Variants in MORC2 observed in about 807,000 individuals in gnomAD.
MORC2 encodes ATPase MORC2.
Under a neutral mutation model 136.0 loss-of-function variants are expected in MORC2, and 30 were observed. That is an observed-to-expected ratio of 0.22 (90% CI 0.17 to 0.30). MORC2 has a LOEUF of 0.30. MORC2 is among the 10% of genes least tolerant of loss of function. The pLI is 1.00. For synonymous variants in MORC2, 439 were observed against 487.0 expected, an observed-to-expected ratio of 0.90 and a Z score of 1.30; for missense variants, 922 against 1,333.1, an observed-to-expected ratio of 0.69 and a Z score of 4.80.
chr22:30,931,224 A>G (rs2040571607), intron 24 of MORC2, among the ~76,000 whole-genome samples: 1 of 152,224 alleles, frequency 6.6e-6, no homozygotes, highest in African/African-American at 2.4e-5. Context: ...AGCAGATTAC[A>G]GCCCCTGGGC....
At chr22:30,965,821 G>A (rs899773404) in intron 1 of MORC2, among the ~76,000 whole-genome samples, 2 of 152,202 alleles carry the variant, frequency 1.3e-5, no homozygotes, top group Non-Finnish European at 2.9e-5. Flanking sequence ...TAAAATTGAA[G>A]ACTTTTAAAC....
chr22:30,930,657 C>G (rs2040561751), intron 24 of MORC2, among the ~76,000 whole-genome samples: 1 of 152,242 alleles, frequency 6.6e-6, no homozygotes, highest in Non-Finnish European at 1.5e-5. Context: ...TTATCAAGCA[C>G]ACAACTGCCC....
chr22:30,926,833 G>A lies in MORC2; in HGVS notation c.3069C>T (p.Tyr1023=). The A allele has an allele frequency of 6.2e-7, 1 of 1,613,808 alleles. No homozygotes were observed. The change falls in exon 26 of 26, where the codon TAC becomes TAT. Residue 1023 remains tyrosine (Y), a synonymous_variant. Transcript: ENST00000397641. The part of the protein sequence containing the change: ...DINTDDELDA[Y]IEDLITKGD ...CCCCCTTGGTGATGAGGTCCTCAAT[G>A]TAGGCGTCCAGCTCATCATCTGTGT...
intron 1 of MORC2, chr22:30,967,504 C>T (rs1026795127): frequency 7.3e-6 from 8 of 1,101,862 alleles, no homozygotes; most frequent in Middle Eastern, 4.2e-4. Flanking sequence ...CAACATTTGG[C>T]GATCCAATAG....
rs1272162807 is a variant in MORC2 at position 30,926,067 on chromosome 22, G to C, written c.*736C>G. 6.6e-6 allele frequency: 1 copy of C among 152,236 alleles called. No individual in the cohort carries two copies. Among genetic ancestry groups the C allele is most frequent in the African/African-American group, 2.4e-5 (1 of 41,422 alleles). The allele number at this position is 152,236 out of a possible 1,614,324, so 9.4% of individuals were successfully genotyped here. On this transcript the variant is annotated 3_prime_UTR_variant, in exon 26 of 26. Coordinates refer to ENST00000397641, the MANE Select transcript of MORC2 (RefSeq NM_001303256.3). ...TGTGGGGTTCCACACTCAGTGTGCT[G>C]CCCAAGTCAGAGATTTACCACAGAT...
chr22:30,947,777 C>T (rs1402615207), intron 5 of MORC2, among the ~76,000 whole-genome samples: 2 of 152,100 alleles, frequency 1.3e-5, no homozygotes, highest in African/African-American at 4.8e-5. Flanking sequence ...CATGCCCTTG[C>T]CCTAATTTGG....
At position 30,942,244 on chromosome 22, in the gene MORC2, C is replaced by G; in HGVS notation, c.454G>C (p.Ala152Pro). The change falls in exon 7 of 26, where the codon GCT becomes CCT. Residue 152 changes from alanine to proline, a missense_variant. Around this residue, in one of 9 missense-constraint regions of MORC2, gnomAD observed 261 missense variants for 354.3 expected, o/e 0.74. Coordinates refer to ENST00000397641, the MANE Select transcript of MORC2 (RefSeq NM_001303256.3). ...EVIVPLPTWN[A>P]RTREPVTDNV... ...TCTGTGACAGGTTCCCGGGTCCGAG[C>G]ATTCCAGGTGGGCAGTGGGACTATC... 1.1e-5 allele frequency: 18 copies of G among 1,612,944 alleles called. No homozygotes were observed. The highest frequency in any genetic ancestry group is 1.4e-5 in the Non-Finnish European group (17 of 1,179,976).
At chr22:30,942,413 G>A in intron 6 of MORC2, 142 bp from the exon 7 acceptor site, 1 of 899,232 alleles carries the variant, frequency 1.1e-6, no homozygotes, top group Non-Finnish European at 1.7e-6. Context: ...TGGCACCAGA[G>A]GCTCTGTGAG....
chr22:30,967,226 G>T, intron 1 of MORC2: 2 of 986,290 alleles, frequency 2.0e-6, no homozygotes, highest in Non-Finnish European at 2.4e-6. Flanking sequence ...CATGAACACT[G>T]TATGTTTCTG....
In MORC2 at chr22:30,934,816, C is replaced by G. The variant is rs1411986814; in HGVS notation, c.2158G>C (p.Val720Leu). 6.2e-7 allele frequency: 1 copy of G among 1,614,172 alleles called. No homozygotes were observed. The highest frequency in any genetic ancestry group is 8.5e-7 in the Non-Finnish European group (1 of 1,180,044). The stretch of plus-strand genomic sequence containing the variant: ...TTGATGGGTGACTCTGTCTTCTTCA[C>G]CACTGGAGTCTTGATGACTTTGGGA... The part of the protein sequence containing the change: ...PSPKVIKTPV[V>L]KKTESPIKLS... The change falls in exon 19 of 26, where the codon GTG (valine) becomes CTG (leucine). Residue 720 changes from valine to leucine, a missense_variant. Physicochemically the swap from Val to Leu is conservative, Grantham distance 32. Around this residue, in one of 9 missense-constraint regions of MORC2, gnomAD observed 184 missense variants for 180.3 expected, o/e 1.02. Coordinates refer to ENST00000397641, the MANE Select transcript of MORC2 (RefSeq NM_001303256.3). This position sits in a 1 kb window ranked among gnomAD's most constrained non-coding sequence, Gnocchi z 4.4.
chr22:30,950,353 C>CCCCAAAAAAAAAAA, intron 4 of MORC2, 24 bp downstream of exon 4: 1 of 1,481,944 alleles, frequency 6.7e-7, no homozygotes, highest in Non-Finnish European at 9.4e-7. Flanking sequence ...CCCCACCCCC[C>CCCCAAAAAAAAAAA]AAAACAATAA....
At chr22:30,953,943 T>A (rs1399281641) in intron 3 of MORC2, among the ~76,000 whole-genome samples, 1 of 152,182 alleles carries the variant, frequency 6.6e-6, no homozygotes, top group Non-Finnish European at 1.5e-5. Flanking sequence ...CAGTTATCAA[T>A]CAGTTTCAGA....
chr22:30,931,047 GAC>G, intron 24 of MORC2, among the ~76,000 whole-genome samples: 1 of 152,198 alleles, frequency 6.6e-6, no homozygotes, highest in Non-Finnish European at 1.5e-5. Flanking sequence ...GACGACCTCT[GAC>G]ACAGCCCTTT....
chr22:30,950,352 C>CA, intron 4 of MORC2, 25 bp downstream of exon 4: 3 of 1,449,942 alleles, frequency 2.1e-6, no homozygotes, highest in South Asian at 1.2e-5. Context: ...CCCCCACCCC[C>CA]CAAAACAATA....
chr22:30,950,730 C>A lies in MORC2; in HGVS notation c.158-285G>T, dbSNP rs563214810. On this transcript the variant is annotated intron_variant, in intron 3 of 25. Coordinates refer to ENST00000397641, the MANE Select transcript of MORC2 (RefSeq NM_001303256.3). The stretch of plus-strand genomic sequence containing the variant: ...CCCACTACCACTGAATATGCACATA[C>A]CTCACACATATCTCAATCATCCTAT... Among the ~76,000 whole-genome samples the A allele has an allele frequency of 5.3e-5, 8 of 152,332 alleles. No individual in the cohort carries two copies. The East Asian group carries it at 9.7e-4, about 18-fold the overall frequency.
chr22:30,938,404 G>A (rs2040689074), intron 12 of MORC2, among the ~76,000 whole-genome samples, 199 bp from the exon 13 acceptor site: 1 of 152,280 alleles, frequency 6.6e-6, no homozygotes, highest in Admixed American at 6.5e-5. Context: ...AAAAACATGA[G>A]TGTGGCTTTT....
intron 2 of MORC2, among the ~76,000 whole-genome samples, chr22:30,957,354 T>TA (rs1451662885): frequency 2.0e-5 from 3 of 152,174 alleles, no homozygotes; most frequent in Non-Finnish European, 4.4e-5. Context: ...CCTGCCCCAT[T>TA]AGACTCCAAC....
Position 30,937,864 on chromosome 22 carries a change from G to C in MORC2, c.1320C>G (p.Leu440=), listed in dbSNP as rs1444939778. The stretch of plus-strand genomic sequence containing the variant: ...GCGCCAGGTGCTCCCCCATTGCTCG[G>C]AGCAGGTGCCGGTACTCCTTGGCAT... ...FADAKEYRHL[L]RAMGEHLAQY... The change falls in exon 14 of 26, where the codon CTC becomes CTG. Residue 440 remains leucine, a synonymous_variant. Transcript: ENST00000397641. This position sits in a 1 kb window ranked among gnomAD's most constrained non-coding sequence, Gnocchi z 4.7. 1 of 1,614,116 alleles carries C rather than the reference G, an allele frequency of 6.2e-7. No homozygotes were observed. The highest frequency in any genetic ancestry group is 8.5e-7 in the Non-Finnish European group (1 of 1,180,026).
chr22:30,928,446 G>C (rs1317758195), intron 24 of MORC2, among the ~76,000 whole-genome samples: 1 of 152,194 alleles, frequency 6.6e-6, no homozygotes, highest in Non-Finnish European at 1.5e-5. Flanking sequence ...ACTCAGCACA[G>C]TGCTCTGGCA....
Sources: allele counts gnomAD v4.1 joint callset (sites outside exome capture counted in the v4.1 genomes callset), GRCh38; gene constraint gnomAD v4.1.1; regional missense constraint gnomAD v4.1.1; non-coding constraint Gnocchi (gnomAD v3.1); transcripts MANE v1.5; gene names NCBI Gene and HGNC (gene_info 2026-07-23, HGNC 2026-07-21).